PDGFC: variants seen among roughly 807,000 people sequenced by gnomAD.
PDGFC encodes platelet derived growth factor C, also known as platelet-derived growth factor C.
PDGFC carries 12 observed loss-of-function variants against 35.5 expected under a neutral mutation model. The observed-to-expected ratio is 0.34, with a 90% CI of 0.22 to 0.55. The LOEUF (loss-of-function observed/expected upper bound fraction) is 0.55. Among genes scored for constraint, PDGFC ranks in the 20% least tolerant of loss-of-function variants. The pLI, the probability that PDGFC is intolerant of heterozygous loss-of-function variation, is 0.91. For missense variants in PDGFC, 322 were observed against 412.4 expected, an observed-to-expected ratio of 0.78 and a Z score of 1.90; for synonymous variants, 159 against 148.8, an observed-to-expected ratio of 1.07 and a Z score of -0.50.
chr4:156,941,835 A>G (rs115063040), intron 1 of PDGFC, among the ~76,000 whole-genome samples: 1 of 152,224 alleles, frequency 6.6e-6, no homozygotes, highest in African/African-American at 2.4e-5. Context: ...CAAAATAATA[A>G]GGTGATATGG....
At chr4:156,966,114 T>A (rs1479168358) in intron 1 of PDGFC, among the ~76,000 whole-genome samples, 1 of 152,168 alleles carries the variant, frequency 6.6e-6, no homozygotes, top group Non-Finnish European at 1.5e-5. Context: ...TAAATGATTA[T>A]CAAATATTAG....
At chr4:156,890,024 T>C (rs903089298) in intron 1 of PDGFC, among the ~76,000 whole-genome samples, 1 of 152,148 alleles carries the variant, frequency 6.6e-6, no homozygotes, top group African/African-American at 2.4e-5. Flanking sequence ...GCAGCTCCTC[T>C]GAGTTAATAC....
intron 1 of PDGFC, among the ~76,000 whole-genome samples, chr4:156,877,605 G>A (rs997760804): frequency 6.6e-6 from 1 of 152,176 alleles, no homozygotes; most frequent in Non-Finnish European, 1.5e-5. Context: ...TCGAGGCACT[G>A]TGGTAGTTAA....
intron 1 of PDGFC, among the ~76,000 whole-genome samples, chr4:156,931,812 G>C (rs1422126056): frequency 6.7e-6 from 1 of 148,630 alleles, no homozygotes; most frequent in Non-Finnish European, 1.5e-5. Context: ...ATTTATAGGA[G>C]TTTTTTTTTT....
At chr4:156,862,939 C>A (rs1006324673) in intron 1 of PDGFC, among the ~76,000 whole-genome samples, 1 of 152,042 alleles carries the variant, frequency 6.6e-6, no homozygotes, top group African/African-American at 2.4e-5. Flanking sequence ...ATGATCCATC[C>A]ACCTCAGCCT....
At chr4:156,887,715 A>G (rs908185329) in intron 1 of PDGFC, among the ~76,000 whole-genome samples, 1 of 152,178 alleles carries the variant, frequency 6.6e-6, no homozygotes, top group Admixed American at 6.5e-5. Context: ...ATCCACTTTT[A>G]AAAAATATTT....
intron 2 of PDGFC, among the ~76,000 whole-genome samples, chr4:156,819,257 A>C (rs1439535530): frequency 6.6e-6 from 1 of 152,108 alleles, no homozygotes; most frequent in Non-Finnish European, 1.5e-5. Flanking sequence ...TAAAAAAAAC[A>C]CCAGATTTTC....
intron 3 of PDGFC, among the ~76,000 whole-genome samples, chr4:156,775,753 G>T (rs555536993): frequency 6.6e-6 from 1 of 152,320 alleles, no homozygotes; most frequent in African/African-American, 2.4e-5. Flanking sequence ...AATGTGAAAG[G>T]TTGGGAGAAA....
At chr4:156,936,041 C>G (rs6851803) in intron 1 of PDGFC, among the ~76,000 whole-genome samples, 25,164 of 152,118 alleles carry the variant, frequency 0.17, 2,910 homozygotes, top group Non-Finnish European at 0.24. Flanking sequence ...TTTCCTCTTC[C>G]TGTTATGGTC....
At chr4:156,794,630 A>T (rs1000113038) in intron 3 of PDGFC, among the ~76,000 whole-genome samples, 3 of 152,042 alleles carry the variant, frequency 2.0e-5, no homozygotes, top group Admixed American at 6.6e-5. Flanking sequence ...TAAGATAAAA[A>T]TATCTATTTA....
chr4:156,941,695 T>C (rs1379358637), intron 1 of PDGFC, among the ~76,000 whole-genome samples: 1 of 152,162 alleles, frequency 6.6e-6, no homozygotes, highest in African/African-American at 2.4e-5. Flanking sequence ...CGGTTAACGA[T>C]TTCTTTTTGG....
At chr4:156,862,829 G>A (rs1729748011) in intron 1 of PDGFC, among the ~76,000 whole-genome samples, 1 of 151,494 alleles carries the variant, frequency 6.6e-6, no homozygotes, top group Admixed American at 6.6e-5. Flanking sequence ...GTAGTAGCTG[G>A]GATTACAGGC....
chr4:156,871,693 A>C (rs1489340756), intron 1 of PDGFC, among the ~76,000 whole-genome samples: 1 of 152,142 alleles, frequency 6.6e-6, no homozygotes, highest in Non-Finnish European at 1.5e-5. Context: ...AGAATATACT[A>C]TATAAGTACT....
chr4:156,936,618 A>C lies in PDGFC; in HGVS notation c.118+34168T>G, dbSNP rs145841333. The stretch of plus-strand genomic sequence containing the variant: ...GAATCAGGAAAAGGCAATTGGAAAA[A>C]GAGGAAATATTTGAAAAGTCTTGCA... On this transcript the variant is annotated intron_variant, in intron 1 of 5. Coordinates refer to ENST00000502773, the MANE Select transcript of PDGFC (RefSeq NM_016205.3). Among the ~76,000 whole-genome samples, 58 of 149,176 alleles carry C rather than the reference A, an allele frequency of 3.9e-4. No individual in the cohort carries two copies. The East Asian group carries it at 8.5e-3, about 22-fold the overall frequency.
chr4:156,821,960 G>A (rs1255679597), intron 2 of PDGFC, among the ~76,000 whole-genome samples: 1 of 152,106 alleles, frequency 6.6e-6, no homozygotes, highest in African/African-American at 2.4e-5. Context: ...AATCTATCTG[G>A]AACTAATAAG....
chr4:156,885,527 A>G (rs973156002), intron 1 of PDGFC, among the ~76,000 whole-genome samples: 2 of 152,250 alleles, frequency 1.3e-5, no homozygotes, highest in African/African-American at 4.8e-5. Flanking sequence ...CTATAACAAT[A>G]TAAACTTCAG....
intron 2 of PDGFC, among the ~76,000 whole-genome samples, chr4:156,818,867 A>G (rs1194035579): frequency 2.6e-5 from 4 of 152,188 alleles, no homozygotes; most frequent in Non-Finnish European, 5.9e-5. Context: ...CTTAGAGGCC[A>G]TTTTAGCGTT....
rs73856774 is a variant in PDGFC, at chr4:156,884,085, T to G, written c.119-33669A>C. Among the ~76,000 whole-genome samples, 1,182 of 152,290 alleles carry G rather than the reference T, an allele frequency of 7.8e-3. 9 individuals carry two copies. The highest frequency in any genetic ancestry group is 0.027 in the African/African-American group (1,108 of 41,562). On this transcript the variant is annotated intron_variant, in intron 1 of 5. Coordinates refer to ENST00000502773, the MANE Select transcript of PDGFC (RefSeq NM_016205.3). ...CTGGATCCTCAAGGAACGCATGTCC[T>G]ACTTAAAGGATGCCTCCAAGAAGGA...
rs1274387776 is a variant in PDGFC, at chr4:156,763,103, C to T, written c.1025G>A (p.Ser342Asn). Residue 342 changes from serine (S) to asparagine (N), a missense_variant, in exon 6 of 6, where the codon AGC becomes AAC. Transcript: ENST00000502773. ...HEECDCVCRG[S>N]TGG is the part of the protein sequence containing the mutation. ...GTGGTGATGCGGCTATCCTCCTGTG[C>T]TCCCTCTGCACACACAGTCACACTC... The T allele has an allele frequency of 1.9e-6, 3 of 1,589,496 alleles. No individual in the cohort carries two copies. Among genetic ancestry groups the T allele is most frequent in the Non-Finnish European group, 1.7e-6 (2 of 1,157,756 alleles).
Sources: gnomAD v4.1 joint callset for allele counts (sites outside exome capture counted in the v4.1 genomes callset) on GRCh38, gnomAD v4.1.1 for gene constraint, MANE v1.5 for transcripts, NCBI Gene and HGNC (gene_info 2026-07-23, HGNC 2026-07-21) for gene names.